Variants in SYT2 observed in about 807,000 individuals in gnomAD.
SYT2 encodes the protein synaptotagmin 2.
In SYT2, 15 loss-of-function variants were observed where a neutral mutation model predicts 39.9. The ratio of observed to expected loss-of-function variants is 0.38; its 90% CI spans 0.25 to 0.58. The LOEUF (loss-of-function observed/expected upper bound fraction) is 0.58. SYT2 is among the 20% of genes least tolerant of loss of function. The pLI is 0.70. For synonymous variants in SYT2, 181 were observed against 204.5 expected, an observed-to-expected ratio of 0.89 and a Z score of 0.98; for missense variants, 389 against 530.3, an observed-to-expected ratio of 0.73 and a Z score of 2.62.
chr1:202,698,512 G>C (rs1340810420), intron 1 of SYT2, among the ~76,000 whole-genome samples: 1 of 152,204 alleles, frequency 6.6e-6, no homozygotes, highest in East Asian at 1.9e-4. Context: ...AAAAGCCACA[G>C]AAGGGACATG....
At chr1:202,665,110 C>A (rs537597733) in intron 1 of SYT2, among the ~76,000 whole-genome samples, 33 of 152,324 alleles carry the variant, frequency 2.2e-4, no homozygotes, top group African/African-American at 7.7e-4. Flanking sequence ...ATATTCTGCT[C>A]TTACTCTTCC....
intron 1 of SYT2, among the ~76,000 whole-genome samples, chr1:202,629,223 C>T (rs1239787121): frequency 6.6e-6 from 1 of 152,200 alleles, no homozygotes; most frequent in African/African-American, 2.4e-5. Flanking sequence ...ATGCCTTTAG[C>T]TCCAGCCCAG....
At chr1:202,651,297 G>A (rs1205580220) in intron 1 of SYT2, among the ~76,000 whole-genome samples, 1 of 151,932 alleles carries the variant, frequency 6.6e-6, no homozygotes, top group Non-Finnish European at 1.5e-5. Flanking sequence ...GATGACTTCT[G>A]GATCTCTGGC....
intron 1 of SYT2, among the ~76,000 whole-genome samples, chr1:202,695,949 TCTC>T (rs757690428): frequency 2.9e-4 from 44 of 152,244 alleles, no homozygotes; most frequent in Non-Finnish European, 5.1e-4. Context: ...GGCTTGTTCT[TCTC>T]CTCCCTCCTG....
intron 8 of SYT2, among the ~76,000 whole-genome samples, chr1:202,598,559 G>A (rs1442546234): frequency 1.4e-5 from 2 of 145,312 alleles, no homozygotes; most frequent in South Asian, 4.5e-4. Flanking sequence ...TCACTACAAA[G>A]AAGGAGAGAC....
chr1:202,689,115 C>T (rs910960882), intron 1 of SYT2, among the ~76,000 whole-genome samples: 3 of 152,126 alleles, frequency 2.0e-5, no homozygotes, highest in Admixed American at 6.6e-5. Context: ...GGGAAGGGAT[C>T]GCTCTCCTCC....
intron 1 of SYT2, among the ~76,000 whole-genome samples, chr1:202,708,974 G>A (rs1654321261): frequency 6.6e-6 from 1 of 152,228 alleles, no homozygotes; most frequent in Non-Finnish European, 1.5e-5. Flanking sequence ...CAGACAGATT[G>A]GATGGAGGAC....
chr1:202,709,826 G>A (rs991568125), intron 1 of SYT2, among the ~76,000 whole-genome samples: 1 of 152,150 alleles, frequency 6.6e-6, no homozygotes, highest in Admixed American at 6.5e-5. Context: ...CCCGAAGCTT[G>A]AGACTGGGGC....
chr1:202,695,940 G>A (rs1301904039), intron 1 of SYT2, among the ~76,000 whole-genome samples: 1 of 152,218 alleles, frequency 6.6e-6, no homozygotes, highest in East Asian at 1.9e-4. Context: ...CCGACTCTGG[G>A]CTTGTTCTTC....
intron 1 of SYT2, among the ~76,000 whole-genome samples, chr1:202,630,793 C>T (rs1441391965): frequency 6.6e-6 from 1 of 152,226 alleles, no homozygotes; most frequent in Non-Finnish European, 1.5e-5. Flanking sequence ...CATCTTTCCA[C>T]ACCCCGGGCC....
At chr1:202,661,637 A>C (rs1692383977) in intron 1 of SYT2, among the ~76,000 whole-genome samples, 1 of 152,052 alleles carries the variant, frequency 6.6e-6, no homozygotes, top group East Asian at 1.9e-4. Context: ...TCCTGCATCC[A>C]TCACTGGCCT....
At chr1:202,668,117 G>A (rs1692515475) in intron 1 of SYT2, among the ~76,000 whole-genome samples, 1 of 152,200 alleles carries the variant, frequency 6.6e-6, no homozygotes, top group Admixed American at 6.5e-5. Flanking sequence ...ACAGAATAGA[G>A]GCAGAAGATC....
At chr1:202,634,392 C>T (rs2149092831) in intron 1 of SYT2, among the ~76,000 whole-genome samples, 1 of 152,202 alleles carries the variant, frequency 6.6e-6, no homozygotes, top group African/African-American at 2.4e-5. Flanking sequence ...TGGCGCATGC[C>T]TGTAATCCCA....
At chr1:202,667,827 C>G (rs916614418) in intron 1 of SYT2, among the ~76,000 whole-genome samples, 1 of 152,088 alleles carries the variant, frequency 6.6e-6, no homozygotes, top group African/African-American at 2.4e-5. Flanking sequence ...ATTCTCCTGC[C>G]TCAGCCTCCT....
intron 1 of SYT2, among the ~76,000 whole-genome samples, chr1:202,617,645 G>T (rs371423360): frequency 6.6e-6 from 1 of 151,998 alleles, no homozygotes; most frequent in Admixed American, 6.6e-5. Context: ...TTCCAAGAAC[G>T]CCTTCCTCCC....
At position 202,605,723 on chromosome 1, in the gene SYT2, G is replaced by T. The variant is rs1690681637; in HGVS notation, c.50C>A (p.Thr17Asn). 8.7e-6 allele frequency: 14 copies of T among 1,614,054 alleles called. No individual in the cohort carries two copies. The highest frequency in any genetic ancestry group is 1.2e-5 in the Non-Finnish European group (14 of 1,179,976). The change falls in exon 2 of 9, where the codon ACC becomes AAC. Residue 17 changes from threonine to asparagine, a missense_variant. Thr to Asn is a moderately conservative substitution (Grantham distance 65). This residue lies in a region of SYT2 where 280 missense variants were observed against 335.6 expected (regional missense o/e 0.83). Coordinates refer to ENST00000367268, the MANE Select transcript of SYT2 (RefSeq NM_177402.5). ...TCCAATGGGCATCGTGGCGGTGGTG[G>T]TGGCAGGAGCCACAATAGGCTCCTG... ...RNQEPIVAPA[T>N]TTATMPIGPV...
In SYT2 at chr1:202,629,559, A is replaced by C. The variant is rs541492804; in HGVS notation, c.-17-23770T>G. Among the ~76,000 whole-genome samples the C allele has an allele frequency of 9.6e-4, 146 of 152,190 alleles. 1 individual carries two copies. The highest frequency in any genetic ancestry group is 1.6e-3 in the Non-Finnish European group (107 of 68,010). ...CCACTCCCATCCTATAGATGACAAC[A>C]CTGGGATGTGAAGAGGTGAGGTTGC... On this transcript the variant is annotated intron_variant, in intron 1 of 8. Coordinates refer to ENST00000367268, the MANE Select transcript of SYT2 (RefSeq NM_177402.5).
chr1:202,684,652 C>T (rs529567325), intron 1 of SYT2, among the ~76,000 whole-genome samples: 28 of 152,234 alleles, frequency 1.8e-4, no homozygotes, highest in South Asian at 8.3e-4. Flanking sequence ...ACTGTGTCCA[C>T]GGGAATTTGT....
At chr1:202,643,935 C>A (rs1459879781) in intron 1 of SYT2, among the ~76,000 whole-genome samples, 1 of 152,150 alleles carries the variant, frequency 6.6e-6, no homozygotes, top group East Asian at 1.9e-4. Flanking sequence ...GGGAGGGGAC[C>A]CCCTGGCTGT....
Sources: gnomAD v4.1 joint callset for allele counts (sites outside exome capture counted in the v4.1 genomes callset) on GRCh38, gnomAD v4.1.1 for gene constraint, gnomAD v4.1.1 regional missense constraint, MANE v1.5 for transcripts, NCBI Gene and HGNC (gene_info 2026-07-23, HGNC 2026-07-21) for gene names.